The following BBOX1 variants were observed in gnomAD, a reference collection of about 807,000 sequenced individuals.
BBOX1 encodes the protein gamma-butyrobetaine dioxygenase.
In BBOX1, 35 loss-of-function variants were observed where a neutral mutation model predicts 41.6. The observed-to-expected ratio is 0.84, with a 90% CI of 0.64 to 1.11. BBOX1 has a LOEUF of 1.11. Among genes scored for constraint, BBOX1 ranks in the 50% most tolerant of loss-of-function variants. The pLI is 0.00. For synonymous variants in BBOX1, 163 were observed against 154.7 expected, an observed-to-expected ratio of 1.05 and a Z score of -0.40; for missense variants, 458 against 460.6, an observed-to-expected ratio of 0.99 and a Z score of 0.05.
At chr11:27,082,920 T>A (rs1459006909) in intron 4 of BBOX1, among the ~76,000 whole-genome samples, 1 of 152,128 alleles carries the variant, frequency 6.6e-6, no homozygotes, top group African/African-American at 2.4e-5. Context: ...CATTTTGTGT[T>A]ATTTTTGTTT....
intron 7 of BBOX1, among the ~76,000 whole-genome samples, chr11:27,123,284 A>G (rs1415347277): frequency 2.6e-5 from 4 of 152,152 alleles, no homozygotes; most frequent in African/African-American, 7.2e-5. Context: ...CTAATCTAGT[A>G]TACCATGAGG....
chr11:27,115,595 G>C, intron 6 of BBOX1, 38 bp downstream of exon 6: 5 of 1,523,308 alleles, frequency 3.3e-6, no homozygotes, highest in Non-Finnish European at 4.5e-6. Flanking sequence ...AAAGCATGAT[G>C]ATGACCAGTA....
intron 6 of BBOX1, among the ~76,000 whole-genome samples, chr11:27,118,894 T>C (rs145602040): frequency 6.5e-4 from 98 of 151,604 alleles, no homozygotes; most frequent in African/African-American, 2.4e-3. Context: ...AGTTATGCTA[T>C]TGTTTTGCTA....
intron 4 of BBOX1, among the ~76,000 whole-genome samples, chr11:27,084,960 C>T (rs1204599868): frequency 1.3e-5 from 2 of 152,032 alleles, no homozygotes; most frequent in Non-Finnish European, 2.9e-5. Context: ...CATCATTTTT[C>T]GTAATGTTTA....
intron 5 of BBOX1, among the ~76,000 whole-genome samples, chr11:27,097,175 T>C (rs530109797): frequency 1.4e-3 from 196 of 135,742 alleles, no homozygotes; most frequent in African/African-American, 6.5e-3. Context: ...TAGCACAAAG[T>C]TTTTACAGAC....
intron 4 of BBOX1, among the ~76,000 whole-genome samples, chr11:27,074,187 T>C (rs954441985): frequency 6.6e-6 from 1 of 152,120 alleles, no homozygotes; most frequent in Non-Finnish European, 1.5e-5. Flanking sequence ...CCAGTCATGC[T>C]TCCTATAAGC....
At chr11:27,064,587 TG>T (rs1179894321) in intron 4 of BBOX1, among the ~76,000 whole-genome samples, 1 of 152,164 alleles carries the variant, frequency 6.6e-6, no homozygotes, top group Non-Finnish European at 1.5e-5. Context: ...TCTTCCTGCC[TG>T]CTGCTCAAAG....
intron 4 of BBOX1, among the ~76,000 whole-genome samples, chr11:27,080,032 C>T (rs1857782370): frequency 6.6e-6 from 1 of 152,020 alleles, no homozygotes; most frequent in Non-Finnish European, 1.5e-5. Flanking sequence ...CCATCCTGCT[C>T]TTTCTTTTTA....
At chr11:27,062,530 C>A (rs1247909391) in intron 4 of BBOX1, among the ~76,000 whole-genome samples, 1 of 152,012 alleles carries the variant, frequency 6.6e-6, no homozygotes, top group Non-Finnish European at 1.5e-5. Context: ...TTCTCAAATG[C>A]CTACAAGTTT....
At chr11:27,071,399 G>GCTAAAGA (rs1319437921) in intron 4 of BBOX1, among the ~76,000 whole-genome samples, 1 of 151,336 alleles carries the variant, frequency 6.6e-6, no homozygotes, top group Non-Finnish European at 1.5e-5. Context: ...AAAAAAGGGG[G>GCTAAAGA]CTAAAGATAG....
intron 7 of BBOX1, among the ~76,000 whole-genome samples, chr11:27,124,206 C>A (rs1042394264): frequency 1.8e-4 from 28 of 152,202 alleles, no homozygotes; most frequent in Non-Finnish European, 3.8e-4. Context: ...ACCGACCAAG[C>A]CTTGGCCCTG....
chr11:27,067,783 T>G (rs1190332957), intron 4 of BBOX1, among the ~76,000 whole-genome samples: 1 of 151,880 alleles, frequency 6.6e-6, no homozygotes, highest in Non-Finnish European at 1.5e-5. Flanking sequence ...AAATAAAAAT[T>G]TTTAAAAAAC....
At chr11:27,052,873 C>T (rs1023402154) in intron 2 of BBOX1, among the ~76,000 whole-genome samples, 1 of 151,960 alleles carries the variant, frequency 6.6e-6, no homozygotes, top group East Asian at 1.9e-4. Context: ...GCTTCACCCC[C>T]AATACTACAC....
chr11:27,043,332 G>A (rs1307362292), intron 2 of BBOX1, among the ~76,000 whole-genome samples: 1 of 151,238 alleles, frequency 6.6e-6, no homozygotes, highest in East Asian at 1.9e-4. Context: ...CAAAGTGCTG[G>A]GATTACAGGC....
chr11:27,079,089 A>G (rs950908366), intron 4 of BBOX1, among the ~76,000 whole-genome samples: 1 of 152,168 alleles, frequency 6.6e-6, no homozygotes, highest in African/African-American at 2.4e-5. Flanking sequence ...GTGCCTTATA[A>G]TATCTTATGT....
intron 4 of BBOX1, among the ~76,000 whole-genome samples, chr11:27,068,552 CTA>C (rs1857356959): frequency 6.6e-6 from 1 of 151,354 alleles, no homozygotes; most frequent in Non-Finnish European, 1.5e-5. Flanking sequence ...TTCTTTTTTG[CTA>C]TACAGAGCTT....
intron 5 of BBOX1, among the ~76,000 whole-genome samples, chr11:27,096,914 G>C (rs1402759065): frequency 2.6e-5 from 4 of 151,970 alleles, no homozygotes; most frequent in Non-Finnish European, 5.9e-5. Context: ...AAAAGTGCAT[G>C]TCATTTTCCA....
At chr11:27,115,389 T>C (rs1859221832) in intron 5 of BBOX1, 63 bp from the exon 6 acceptor site, 1 of 1,308,582 alleles carries the variant, frequency 7.6e-7, no homozygotes, top group African/African-American at 1.5e-5. Flanking sequence ...TCAAATTCAT[T>C]CTAATGCATT....
chr11:27,058,230 C>G (rs866587934), intron 4 of BBOX1, among the ~76,000 whole-genome samples: 1 of 152,196 alleles, frequency 6.6e-6, no homozygotes. Flanking sequence ...CCTTCACCTT[C>G]CATCATGATT....
Sources: allele counts gnomAD v4.1 joint callset (sites outside exome capture counted in the v4.1 genomes callset), GRCh38; gene constraint gnomAD v4.1.1; transcripts MANE v1.5; gene names NCBI Gene and HGNC (gene_info 2026-07-23, HGNC 2026-07-21).